The following CHD6 variants were observed in gnomAD, a reference collection of about 807,000 sequenced individuals.
CHD6 encodes the protein ATP-dependent chromatin remodeler CHD6.
A neutral mutation model predicts 276.9 loss-of-function variants in CHD6; 50 were observed. The observed-to-expected ratio is 0.18, with a 90% CI of 0.14 to 0.23. The LOEUF (loss-of-function observed/expected upper bound fraction) is 0.23, where lower values mean the gene tolerates loss of function less well. Among genes scored for constraint, CHD6 ranks in the 10% least tolerant of loss-of-function variants. The pLI is 1.00. For synonymous variants in CHD6, 1,173 were observed against 1,229.3 expected (o/e 0.95, Z 0.96); for missense variants, 2,564 against 3,365.8 (o/e 0.76, Z 5.89).
intron 1 of CHD6, among the ~76,000 whole-genome samples, chr20:41,617,137 T>G (rs952073706): frequency 6.6e-6 from 1 of 152,202 alleles, no homozygotes; most frequent in African/African-American, 2.4e-5. Flanking sequence ...TTCGTGGATC[T>G]GCCAGCAGAA....
In CHD6 at chr20:41,415,537, C is replaced by T; in HGVS notation, c.6588G>A (p.Gln2196=). 6.2e-7 allele frequency: 1 copy of T among 1,614,172 alleles called. No homozygotes were observed. Among genetic ancestry groups the T allele is most frequent in the African/African-American group, 1.3e-5 (1 of 75,062 alleles). The change falls in exon 34 of 37, where the codon CAG becomes CAA. Residue 2196 remains glutamine (Q), a synonymous_variant. Coordinates refer to ENST00000373233, the MANE Select transcript of CHD6 (RefSeq NM_032221.5). ...GGGTGTGCCCGTGGGTGGCAGAGAA[C>T]TGCTCCAGGCCCCGAGCCTTTGCAT... The part of the protein sequence containing the change: ...ERDAKARGLE[Q]FSATHGHTPI...
In CHD6 at chr20:41,488,433, C is replaced by T; in HGVS notation, c.1852G>A (p.Ala618Thr). ...CKLLEGLKLM[A>T]LEHKVLLTGT... ...AAAGAGATGCTAACTCTCACCAGGG[C>T]CATAAGCTTTAGACCCTCCAGAAGT... Residue 618 changes from alanine to threonine, a missense_variant, in exon 13 of 37, where the codon GCC becomes ACC. Physicochemically the swap from Ala to Thr is moderately conservative, Grantham distance 58. Transcript: ENST00000373233. 1 of 1,610,844 alleles carries T rather than the reference C, an allele frequency of 6.2e-7. No homozygotes were observed. The highest frequency in any genetic ancestry group is 8.5e-7 in the Non-Finnish European group (1 of 1,178,796).
chr20:41,425,526 G>A (rs2047334405), intron 28 of CHD6, 132 bp from the exon 29 acceptor site: 1 of 931,292 alleles, frequency 1.1e-6, no homozygotes, highest in African/African-American at 1.7e-5. Flanking sequence ...TTTAATAATT[G>A]GCCCAGGAGC....
chr20:41,498,779 G>GTGTATGTA lies in CHD6; in HGVS notation c.915+508_915+515dup, dbSNP rs755113036. 2.7e-4 allele frequency among the ~76,000 whole-genome samples: 40 copies of GTGTATGTA among 145,738 alleles called. No individual in the cohort carries two copies. In the East Asian group the frequency reaches 3.7e-3, roughly 13 times the overall value. On this transcript the variant is annotated intron_variant, in intron 6 of 36. Coordinates refer to ENST00000373233, the MANE Select transcript of CHD6 (RefSeq NM_032221.5). ...TTAGGACTCATATGGGTGTGTATGT[G>GTGTATGTA]TGTATGTATGTATGTATGTATGTAT... is the stretch of plus-strand genomic sequence containing the variant.
intron 25 of CHD6, among the ~76,000 whole-genome samples, chr20:41,444,207 T>C (rs1037917173): frequency 3.9e-5 from 6 of 152,204 alleles, no homozygotes; most frequent in African/African-American, 1.4e-4. Context: ...CTGCGGTACC[T>C]TGTGACTAAC....
chr20:41,498,795 ATGTATGTATGTATGTATG>A (rs1344656393), intron 6 of CHD6, among the ~76,000 whole-genome samples: 13 of 79,556 alleles, frequency 1.6e-4, no homozygotes, highest in African/African-American at 1.1e-3. Context: ...GTATGTATGT[ATGTATGTATGTATGTATG>A]TGTGTGTGTG....
In CHD6 at chr20:41,440,152, G is replaced by A. The variant is rs577038359; in HGVS notation, c.3878-23C>T. The A allele has an allele frequency of 1.1e-5, 17 of 1,607,094 alleles. No individual in the cohort carries two copies. The South Asian group carries it at 1.7e-4, about 16-fold the overall frequency. On this transcript the variant is annotated intron_variant, in intron 25 of 36. Transcript: ENST00000373233. ...AACCTGATCAAGAGTGGTGAGAAATGCCAGAAGTCATGTTAGAACTCACAA... is the reference window on the plus strand; with the variant it reads ...AACCTGATCAAGAGTGGTGAGAAATACCAGAAGTCATGTTAGAACTCACAA...
intron 1 of CHD6, among the ~76,000 whole-genome samples, chr20:41,594,681 T>C (rs2045699242): frequency 6.6e-6 from 1 of 152,244 alleles, no homozygotes; most frequent in Non-Finnish European, 1.5e-5. Flanking sequence ...CACTTGTTTC[T>C]CTGCTTAATC....
intron 14 of CHD6, among the ~76,000 whole-genome samples, chr20:41,484,938 G>A (rs2043376880): frequency 1.3e-5 from 2 of 152,120 alleles, no homozygotes; most frequent in African/African-American, 2.4e-5. Context: ...CACACCACAT[G>A]CACAGTAATT....
intron 7 of CHD6, 115 bp downstream of exon 7, chr20:41,498,053 T>G (rs190883258): frequency 4.1e-6 from 3 of 731,178 alleles, no homozygotes; most frequent in African/African-American, 1.8e-5. Flanking sequence ...CCAAGACCTG[T>G]GGGTCATGCC....
At chr20:41,587,125 A>G (rs1034276682) in intron 1 of CHD6, among the ~76,000 whole-genome samples, 1 of 152,268 alleles carries the variant, frequency 6.6e-6, no homozygotes, top group Admixed American at 6.5e-5. Flanking sequence ...GTCATAGGCT[A>G]TAAGATTGAC....
intron 27 of CHD6, among the ~76,000 whole-genome samples, chr20:41,435,203 ATAAC>A (rs1482775134): frequency 6.6e-6 from 1 of 152,232 alleles, no homozygotes; most frequent in Non-Finnish European, 1.5e-5. Context: ...TTAATGAAAC[ATAAC>A]TAAAGCAATG....
In CHD6 at chr20:41,587,794, C is replaced by T. The variant is rs543791829; in HGVS notation, c.-24+30546G>A. Among the ~76,000 whole-genome samples the T allele has an allele frequency of 7.2e-5, 11 of 151,936 alleles. No homozygotes were observed. The East Asian group carries it at 1.7e-3, about 24-fold the overall frequency. On this transcript the variant is annotated intron_variant, in intron 1 of 36. Transcript: ENST00000373233. Reference sequence around the variant, plus strand: ...AAGAGCAGTCAATGCCTGAACAGGCCAGCAACTGATGACATTTCTGTAGTG... The same window carrying T: ...AAGAGCAGTCAATGCCTGAACAGGCTAGCAACTGATGACATTTCTGTAGTG...
intron 15 of CHD6, among the ~76,000 whole-genome samples, chr20:41,483,796 G>GA (rs148573511): frequency 0.01 from 1,575 of 152,234 alleles, 23 homozygotes; most frequent in African/African-American, 0.033. Flanking sequence ...CCCAAGTAAA[G>GA]AAACCTTCCC....
rs371119748 is a variant in CHD6 at position 41,566,359 on chromosome 20, T to C, written c.-23-14999A>G. Among the ~76,000 whole-genome samples, 5 of 152,230 alleles carry C rather than the reference T, an allele frequency of 3.3e-5. No homozygotes were observed. In the East Asian group the frequency reaches 7.7e-4, roughly 24 times the overall value. On this transcript the variant is annotated intron_variant, in intron 1 of 36. Coordinates refer to ENST00000373233, the MANE Select transcript of CHD6 (RefSeq NM_032221.5). ...AGATAGTGAGGGAAGGGATAACTAC[T>C]AGCTTTTGGGGGGAATGGAAAAAAG...
rs960448527 is a variant in CHD6, at chr20:41,473,930, C to G, written c.2469-413G>C. 1.3e-5 allele frequency among the ~76,000 whole-genome samples: 2 copies of G among 152,142 alleles called. No individual in the cohort carries two copies. Among genetic ancestry groups the G allele is most frequent in the African/African-American group, 2.4e-5 (1 of 41,444 alleles). ...TCCCATCTACTTTGAGTAGTGCTCA[C>G]AAAAAGGACTCAGAGTTTTCATCAG... On this transcript the variant is annotated intron_variant, in intron 16 of 36. Coordinates refer to ENST00000373233, the MANE Select transcript of CHD6 (RefSeq NM_032221.5). The surrounding 1 kb of genome is among the most constrained non-coding windows in gnomAD (Gnocchi z 4.1).
chr20:41,481,780 T>G (rs1042141743), intron 16 of CHD6, among the ~76,000 whole-genome samples: 3 of 151,784 alleles, frequency 2.0e-5, no homozygotes, highest in Non-Finnish European at 2.9e-5. Flanking sequence ...ATGTTTAAAA[T>G]AGAGTATCAC....
chr20:41,594,193 C>A (rs1017097844), intron 1 of CHD6, among the ~76,000 whole-genome samples: 1 of 152,162 alleles, frequency 6.6e-6, no homozygotes, highest in African/African-American at 2.4e-5. Context: ...ACTGTTGGAA[C>A]CTTTTTACCT....
intron 1 of CHD6, among the ~76,000 whole-genome samples, chr20:41,571,920 C>G (rs979641423): frequency 2.0e-5 from 3 of 152,218 alleles, no homozygotes; most frequent in Non-Finnish European, 2.9e-5. Flanking sequence ...CAAATCCATA[C>G]TCCTTTCAAT....
Sources: gnomAD v4.1 joint callset for allele counts (sites outside exome capture counted in the v4.1 genomes callset) on GRCh38, gnomAD v4.1.1 for gene constraint, Gnocchi (gnomAD v3.1) non-coding constraint, MANE v1.5 for transcripts, NCBI Gene and HGNC (gene_info 2026-07-23, HGNC 2026-07-21) for gene names.